The following RXRA variants were observed in gnomAD, a reference collection of about 807,000 sequenced individuals.
The protein encoded by RXRA is retinoid X receptor alpha, also known as retinoic acid receptor RXR-alpha.
Under a neutral mutation model 44.5 loss-of-function variants are expected in RXRA, and 5 were observed. The ratio of observed to expected loss-of-function variants is 0.11; its 90% CI spans 0.06 to 0.24. The LOEUF (loss-of-function observed/expected upper bound fraction) is 0.24. RXRA is among the 10% of genes least tolerant of loss of function. The pLI is 1.00. For synonymous variants in RXRA, 291 were observed against 271.4 expected (o/e 1.07, Z -0.71); for missense variants, 412 against 646.5 (o/e 0.64, Z 3.93).
chr9:134,421,347 C>T (rs970825439), intron 5 of RXRA, among the ~76,000 whole-genome samples: 3 of 152,182 alleles, frequency 2.0e-5, no homozygotes, highest in Non-Finnish European at 4.4e-5. Context: ...CAGTGTCTCT[C>T]TCCCCTTGGG....
chr9:134,345,748 G>A (rs1303525867), intron 1 of RXRA, among the ~76,000 whole-genome samples: 2 of 152,200 alleles, frequency 1.3e-5, no homozygotes, highest in African/African-American at 2.4e-5. Context: ...AGCCCCAGCC[G>A]TGCCATTGTC....
chr9:134,373,868 T>G (rs1328592236), intron 1 of RXRA: 1 of 152,158 alleles, frequency 6.6e-6, no homozygotes, highest in Non-Finnish European at 1.5e-5. Context: ...AGAGACAGAG[T>G]CTTGCTTTGT....
At chr9:134,329,550 A>G (rs550993356) in intron 1 of RXRA, among the ~76,000 whole-genome samples, 31 of 152,206 alleles carry the variant, frequency 2.0e-4, no homozygotes, top group African/African-American at 7.2e-4. Flanking sequence ...CCAGATGTGG[A>G]TGGGACGAGC....
At chr9:134,355,194 A>G (rs1334378470) in intron 1 of RXRA, among the ~76,000 whole-genome samples, 1 of 152,200 alleles carries the variant, frequency 6.6e-6, no homozygotes, top group Non-Finnish European at 1.5e-5. Context: ...CCTGTGGGAA[A>G]TGCAGGCCCA....
chr9:134,363,275 A>T (rs1276538853), intron 1 of RXRA, among the ~76,000 whole-genome samples: 1 of 152,198 alleles, frequency 6.6e-6, no homozygotes, highest in East Asian at 1.9e-4. Context: ...GTCCTCTCCC[A>T]GTCCAGCATG....
chr9:134,431,886 C>T lies in RXRA; in HGVS notation c.1044-19C>T, dbSNP rs1053656505. 4.4e-6 allele frequency: 7 copies of T among 1,599,132 alleles called. No homozygotes were observed. In the African/African-American group the frequency reaches 6.7e-5, roughly 15 times the overall value. On this transcript the variant is annotated intron_variant, in intron 7 of 9. Coordinates refer to ENST00000481739, the MANE Select transcript of RXRA (RefSeq NM_002957.6). The stretch of plus-strand genomic sequence containing the variant: ...CTGCGACCTAACTGGGATGGGGTGT[C>T]TGCCCTCCTCCTCTGCAGGGTGCTG...
rs1421448501 is a variant in RXRA at position 134,409,070 on chromosome 9, C to T, written c.561C>T (p.Cys187=). ...TTGACAAGCGGCAGCGGAACCGGTG[C>T]CAGTACTGCCGCTACCAGAAGTGCC... is the stretch of plus-strand genomic sequence containing the variant. ...CLIDKRQRNR[C]QYCRYQKCLA... The change falls in exon 4 of 10, where the codon TGC becomes TGT. Residue 187 remains cysteine, a synonymous_variant. Coordinates refer to ENST00000481739, the MANE Select transcript of RXRA (RefSeq NM_002957.6). 1 of 1,609,576 alleles carries T rather than the reference C, an allele frequency of 6.2e-7. No individual in the cohort carries two copies. The highest frequency in any genetic ancestry group is 8.5e-7 in the Non-Finnish European group (1 of 1,178,040).
In RXRA at chr9:134,417,452, T is replaced by C; in HGVS notation, c.780+125T>C. The C allele has an allele frequency of 8.6e-7, 1 of 1,165,728 alleles. No individual in the cohort carries two copies. The highest frequency in any genetic ancestry group is 1.2e-6 in the Non-Finnish European group (1 of 835,786). The allele number at this position is 1,165,728 out of a possible 1,614,324, so 72.2% of individuals were successfully genotyped here. On this transcript the variant is annotated intron_variant, in intron 5 of 9. Coordinates refer to ENST00000481739, the MANE Select transcript of RXRA (RefSeq NM_002957.6). This position sits in a 1 kb window ranked among gnomAD's most constrained non-coding sequence, Gnocchi z 6.1. Reference sequence around the variant, plus strand: ...TGGGGGCTGCCCTGGGCCCTGTGGCTGCCTCAGCTCGGCCTCTTACCTGAG... The same window carrying C: ...TGGGGGCTGCCCTGGGCCCTGTGGCCGCCTCAGCTCGGCCTCTTACCTGAG...
intron 1 of RXRA, among the ~76,000 whole-genome samples, chr9:134,383,471 G>A (rs1236031752): frequency 6.6e-6 from 1 of 152,182 alleles, no homozygotes; most frequent in Non-Finnish European, 1.5e-5. Flanking sequence ...GGCAGGGGTA[G>A]GATGGGGACA....
chr9:134,433,118 C>T lies in RXRA; in HGVS notation c.1136-984C>T, dbSNP rs999249636. On this transcript the variant is annotated intron_variant, in intron 8 of 9. Transcript: ENST00000481739. The surrounding 1 kb of genome is among the most constrained non-coding windows in gnomAD (Gnocchi z 4.2). ...TTTGTCAGACCTGGCTCTGAGGGAC[C>T]GGGCCGGGATGGAGATGGGCATCTT... is the stretch of plus-strand genomic sequence containing the variant. Among the ~76,000 whole-genome samples, 2 of 152,030 alleles carry T rather than the reference C, an allele frequency of 1.3e-5. No individual in the cohort carries two copies. Among genetic ancestry groups the T allele is most frequent in the Non-Finnish European group, 1.5e-5 (1 of 68,000 alleles).
intron 1 of RXRA, among the ~76,000 whole-genome samples, chr9:134,383,779 A>G (rs1415938387): frequency 1.3e-5 from 2 of 151,968 alleles, no homozygotes; most frequent in Non-Finnish European, 2.9e-5. Context: ...TGTGATCCTC[A>G]CTCCAGGCAG....
intron 7 of RXRA, among the ~76,000 whole-genome samples, chr9:134,429,456 C>G (rs966448105): frequency 6.6e-6 from 1 of 152,246 alleles, no homozygotes; most frequent in Non-Finnish European, 1.5e-5. Flanking sequence ...GAGCACTTGG[C>G]CTATCTCCCT....
At chr9:134,334,604 C>T (rs973855319) in intron 1 of RXRA, among the ~76,000 whole-genome samples, 10 of 152,264 alleles carry the variant, frequency 6.6e-5, no homozygotes, top group Admixed American at 2.0e-4. Context: ...GACCAGGCTG[C>T]TGTGTAGCCC....
intron 1 of RXRA, among the ~76,000 whole-genome samples, chr9:134,354,912 A>C (rs1830265098): frequency 6.6e-6 from 1 of 152,198 alleles, no homozygotes; most frequent in South Asian, 2.1e-4. Flanking sequence ...AGGGACTGAG[A>C]AGCCACTGGG....
rs1053390536 is a variant in RXRA at position 134,395,737 on chromosome 9, G to A, written c.29-5895G>A. Among the ~76,000 whole-genome samples the A allele has an allele frequency of 5.7e-4, 87 of 152,384 alleles. 2 individuals carry two copies. Among genetic ancestry groups the A allele is most frequent in the Admixed American group, 5.6e-3 (86 of 15,314 alleles). ...TCAGGGAGCTCCATCATCCGACCCT[G>A]CTTTGGGGCCCTCAGGCTCCTGTGG... On this transcript the variant is annotated intron_variant, in intron 1 of 9. Coordinates refer to ENST00000481739, the MANE Select transcript of RXRA (RefSeq NM_002957.6).
At chr9:134,436,364 G>GCA in intron 9 of RXRA, 103 bp from the exon 10 acceptor site, 1 of 1,153,030 alleles carries the variant, frequency 8.7e-7, no homozygotes, top group Admixed American at 1.9e-5. Flanking sequence ...GCCTCAGAGG[G>GCA]GTTGGGGTAT....
chr9:134,436,879 A>G lies in RXRA; in HGVS notation c.*265A>G. ...CGTGAGCCCAGCCAGGCGCCTCCCC[A>G]CCGGGCTCTCAGGACACCCTGCCAC... On this transcript the variant is annotated 3_prime_UTR_variant, in exon 10 of 10. Coordinates refer to ENST00000481739, the MANE Select transcript of RXRA (RefSeq NM_002957.6). The G allele has an allele frequency of 2.2e-6, 1 of 456,040 alleles. No individual in the cohort carries two copies. The highest frequency in any genetic ancestry group is 2.8e-5 in the South Asian group (1 of 36,168). 28.2% of individuals were successfully genotyped at this position (456,040 alleles called of 1,614,324 possible). A position where few individuals can be genotyped will look rare whatever the true frequency, so the allele number is the denominator to read the frequency against.
At chr9:134,345,634 G>A (rs1381425240) in intron 1 of RXRA, among the ~76,000 whole-genome samples, 1 of 152,206 alleles carries the variant, frequency 6.6e-6, no homozygotes, top group African/African-American at 2.4e-5. Context: ...CCCACCAGCT[G>A]CCTGCCTCCA....
chr9:134,337,412 G>T (rs1368241566), intron 1 of RXRA, among the ~76,000 whole-genome samples: 1 of 152,228 alleles, frequency 6.6e-6, no homozygotes, highest in Non-Finnish European at 1.5e-5. Context: ...GGCAGTAGTG[G>T]TCTCTGGGGT....
Sources: gnomAD v4.1 joint callset for allele counts (sites outside exome capture counted in the v4.1 genomes callset) on GRCh38, gnomAD v4.1.1 for gene constraint, Gnocchi (gnomAD v3.1) non-coding constraint, MANE v1.5 for transcripts, NCBI Gene and HGNC (gene_info 2026-07-23, HGNC 2026-07-21) for gene names.